The following LYPLAL1 variants were observed in gnomAD, a reference collection of about 807,000 sequenced individuals.
The protein encoded by LYPLAL1 is lysophospholipase-like protein 1.
Under a neutral mutation model 19.7 loss-of-function variants are expected in LYPLAL1, and 23 were observed. The observed-to-expected ratio is 1.17, with a 90% confidence interval of 0.84 to 1.65. The LOEUF is 1.65. LYPLAL1 is among the 40% of genes most tolerant of loss of function. LYPLAL1 has a pLI of 0.00. For missense variants in LYPLAL1, 355 were observed against 279.4 expected, an observed-to-expected ratio of 1.27 and a Z score of -1.93; for synonymous variants, 119 against 96.3, an observed-to-expected ratio of 1.24 and a Z score of -1.38.
chr1:219,201,925 GT>G (rs1321701916), intron 3 of LYPLAL1, among the ~76,000 whole-genome samples: 3 of 152,166 alleles, frequency 2.0e-5, no homozygotes, highest in Non-Finnish European at 2.9e-5. Flanking sequence ...TTTTGTTGCA[GT>G]TTTTTGTTGT....
chr1:219,429,220 G>A, the LYPLAL1 span, among the ~76,000 whole-genome samples: 25 of 152,338 alleles, frequency 1.6e-4, no homozygotes, highest in South Asian at 5.2e-3. Context: ...ATAGGAGGCA[G>A]TATGTAGCCA....
At chr1:219,384,880 A>T in the LYPLAL1 span, among the ~76,000 whole-genome samples, 1 of 152,362 alleles carries the variant, frequency 6.6e-6, no homozygotes, top group East Asian at 1.9e-4. Flanking sequence ...TGATATAATT[A>T]CTGTGATTCT....
chr1:219,253,249 G>C, the LYPLAL1 span, among the ~76,000 whole-genome samples: 2 of 151,538 alleles, frequency 1.3e-5, no homozygotes, highest in Admixed American at 1.3e-4. Flanking sequence ...TGGATTTATT[G>C]ATCTTTTTAA....
At chr1:219,381,525 A>G in the LYPLAL1 span, among the ~76,000 whole-genome samples, 20 of 152,308 alleles carry the variant, frequency 1.3e-4, no homozygotes, top group Non-Finnish European at 2.1e-4. Context: ...ACAAAATAGA[A>G]AATAGTTTCT....
At chr1:219,297,595 A>G in the LYPLAL1 span, among the ~76,000 whole-genome samples, 6 of 152,336 alleles carry the variant, frequency 3.9e-5, no homozygotes, top group Admixed American at 2.0e-4. Context: ...TGTCTGATTT[A>G]GTCATACAAA....
At chr1:219,259,744 C>A in the LYPLAL1 span, among the ~76,000 whole-genome samples, 8 of 150,908 alleles carry the variant, frequency 5.3e-5, no homozygotes, top group African/African-American at 7.3e-5. Flanking sequence ...CACTAAAGAA[C>A]CTTAAGCAAA....
the LYPLAL1 span, among the ~76,000 whole-genome samples, chr1:219,417,917 C>T: frequency 6.6e-6 from 1 of 152,232 alleles, no homozygotes; most frequent in Admixed American, 6.5e-5. Flanking sequence ...GGCGCCATGA[C>T]CTTTCCTCCC....
At chr1:219,228,621 T>C in the LYPLAL1 span, among the ~76,000 whole-genome samples, 1 of 152,088 alleles carries the variant, frequency 6.6e-6, no homozygotes, top group East Asian at 1.9e-4. Context: ...TGGTAAGTAG[T>C]TATCTGGAAA....
At chr1:219,298,952 A>G in the LYPLAL1 span, among the ~76,000 whole-genome samples, 11 of 152,234 alleles carry the variant, frequency 7.2e-5, no homozygotes, top group Admixed American at 2.6e-4. Flanking sequence ...ACCTCCAATG[A>G]AAAAATAAAA....
At chr1:219,385,100 C>G in the LYPLAL1 span, among the ~76,000 whole-genome samples, 2 of 152,052 alleles carry the variant, frequency 1.3e-5, no homozygotes, top group Non-Finnish European at 2.9e-5. Context: ...TGTAAATATG[C>G]CCTCCAGAGA....
chr1:219,242,951 C>T, the LYPLAL1 span, among the ~76,000 whole-genome samples: 1 of 152,058 alleles, frequency 6.6e-6, no homozygotes, highest in African/African-American at 2.4e-5. Flanking sequence ...TGTGTCAAAC[C>T]AGGCATCCGC....
the LYPLAL1 span, among the ~76,000 whole-genome samples, chr1:219,305,872 A>T: frequency 0.89 from 135,235 of 152,242 alleles, 60,099 homozygotes; most frequent in East Asian, 0.99. Flanking sequence ...ATCACTATCA[A>T]CTCTGAACTA....
chr1:219,380,168 A>C, the LYPLAL1 span, among the ~76,000 whole-genome samples: 11 of 152,236 alleles, frequency 7.2e-5, no homozygotes, highest in African/African-American at 2.4e-4. Context: ...ATAATGTGTC[A>C]GTTGGGGTCT....
At chr1:219,324,080 C>T in the LYPLAL1 span, among the ~76,000 whole-genome samples, 13 of 152,288 alleles carry the variant, frequency 8.5e-5, no homozygotes, top group African/African-American at 3.1e-4. Flanking sequence ...CTTTCTTACC[C>T]ACTGTAAGGC....
At chr1:219,439,310 C>T in the LYPLAL1 span, among the ~76,000 whole-genome samples, 1 of 152,122 alleles carries the variant, frequency 6.6e-6, no homozygotes, top group Non-Finnish European at 1.5e-5. Context: ...GTAACCTCCC[C>T]CACTAGATTA....
At chr1:219,188,520 C>G (rs1656903346) in intron 2 of LYPLAL1, among the ~76,000 whole-genome samples, 1 of 151,600 alleles carries the variant, frequency 6.6e-6, no homozygotes, top group African/African-American at 2.4e-5. Context: ...ACAAATGTGA[C>G]TGGAACCTAG....
the LYPLAL1 span, among the ~76,000 whole-genome samples, chr1:219,331,782 CAA>C: frequency 1.3e-5 from 2 of 152,148 alleles, no homozygotes; most frequent in Non-Finnish European, 2.9e-5. Flanking sequence ...AGCCGTAACT[CAA>C]GGAGCTGCTA....
the LYPLAL1 span, among the ~76,000 whole-genome samples, chr1:219,313,894 G>A: frequency 0.33 from 49,714 of 152,058 alleles, 8,806 homozygotes; most frequent in Non-Finnish European, 0.4. Flanking sequence ...GAGTGTCACA[G>A]GGGTTTGATG....
At chr1:219,419,580 C>CAT in the LYPLAL1 span, among the ~76,000 whole-genome samples, 19 of 120,226 alleles carry the variant, frequency 1.6e-4, no homozygotes, top group Non-Finnish European at 3.2e-4. Flanking sequence ...CACACACACA[C>CAT]ACACACACAC....
Sources: gnomAD v4.1 joint callset for allele counts (sites outside exome capture counted in the v4.1 genomes callset) on GRCh38, gnomAD v4.1.1 for gene constraint, MANE v1.5 for transcripts, NCBI Gene and HGNC (gene_info 2026-07-23, HGNC 2026-07-21) for gene names.